MUC5B: variants seen among roughly 807,000 people sequenced by gnomAD.
MUC5B encodes the protein mucin 5B, oligomeric mucus/gel-forming.
In MUC5B, 116 loss-of-function variants were observed where a neutral mutation model predicts 376.9. The observed-to-expected ratio is 0.31, with a 90% CI of 0.26 to 0.36. The LOEUF (loss-of-function observed/expected upper bound fraction) is 0.36. Ranked by LOEUF, MUC5B falls within the 10% of genes least tolerant of loss-of-function variation. The pLI is 1.00. For missense variants in MUC5B, 7,165 were observed against 7,769.9 expected (o/e 0.92, Z 2.93); for synonymous variants, 3,517 against 3,390.9 (o/e 1.04, Z -1.29).
In MUC5B at chr11:1,234,415, C is replaced by T. The variant is rs1412707153; in HGVS notation, c.2478+110C>T. 43 of 1,496,350 alleles carry T rather than the reference C, an allele frequency of 2.9e-5. No individual in the cohort carries two copies. Among genetic ancestry groups the T allele is most frequent in the African/African-American group, 8.3e-5 (6 of 72,128 alleles). The allele number at this position is 1,496,350 out of a possible 1,614,324, so 92.7% of individuals were successfully genotyped here. A position where few individuals can be genotyped will look rare whatever the true frequency, so the allele number is the denominator to read the frequency against. On this transcript the variant is annotated intron_variant, in intron 20 of 48. Transcript: ENST00000529681. This position sits in a 1 kb window ranked among gnomAD's most constrained non-coding sequence, Gnocchi z 6.3. ...GAGACACTTACCCACCTGGAAGCTC[C>T]GCCCTGGCCCATGCGTTGCCCTGGG...
Position 1,229,762 on chromosome 11 carries a change from G to A in MUC5B, c.1175G>A (p.Arg392His), listed in dbSNP as rs374678634. Reference protein sequence around the residue: ...LGQCPCTHGGRTYSPGTSFNT... With the variant: ...LGQCPCTHGGHTYSPGTSFNT... ...CAGTGCCCCTGCACCCACGGCGGCC[G>A]CACCTACAGCCCGGGCACCTCCTTC... The change falls in exon 10 of 49, where the codon CGC becomes CAC. Residue 392 changes from arginine (R) to histidine (H), a missense_variant. Coordinates refer to ENST00000529681, the MANE Select transcript of MUC5B (RefSeq NM_002458.3). 136 of 1,601,338 alleles carry A rather than the reference G, an allele frequency of 8.5e-5. No homozygotes were observed. Among genetic ancestry groups the A allele is most frequent in the African/African-American group, 2.4e-4 (18 of 74,756 alleles).
In MUC5B at chr11:1,258,483, C is replaced by T. The variant is rs911614971; in HGVS notation, c.16593+116C>T. 228 of 1,239,244 alleles carry T rather than the reference C, an allele frequency of 1.8e-4. No individual in the cohort carries two copies. The highest frequency in any genetic ancestry group is 1.9e-4 in the South Asian group (13 of 69,148). 76.8% of individuals were successfully genotyped at this position (1,239,244 alleles called of 1,614,324 possible). On this transcript the variant is annotated intron_variant, in intron 43 of 48. Coordinates refer to ENST00000529681, the MANE Select transcript of MUC5B (RefSeq NM_002458.3). This position sits in a 1 kb window ranked among gnomAD's most constrained non-coding sequence, Gnocchi z 5.5. ...GACATTCCTGCCCTGAGGGCCGATC[C>T]GCACAGGGGCCCTGGACACGTCAGA...
Position 1,234,154 on chromosome 11 carries a change from G to T in MUC5B, c.2378-51G>T. 6.9e-7 allele frequency: 1 copy of T among 1,450,732 alleles called. No individual in the cohort carries two copies. Among genetic ancestry groups the T allele is most frequent in the Non-Finnish European group, 9.5e-7 (1 of 1,055,476 alleles). 89.9% of individuals were successfully genotyped at this position (1,450,732 alleles called of 1,614,324 possible). On this transcript the variant is annotated intron_variant, in intron 19 of 48. Transcript: ENST00000529681. The surrounding 1 kb of genome is among the most constrained non-coding windows in gnomAD (Gnocchi z 6.3). Reference sequence around the variant, plus strand: ...CTCAGGGCTGCCTGGGGTCAGTTGAGGGCCGTGGCTGCCCTTCCCCAGGAC... The same window carrying T: ...CTCAGGGCTGCCTGGGGTCAGTTGATGGCCGTGGCTGCCCTTCCCCAGGAC...
At chr11:1,223,239 G>A (rs963731021) in intron 1 of MUC5B, 46 bp downstream of exon 1, 13 of 704,688 alleles carry the variant, frequency 1.8e-5, no homozygotes, top group Middle Eastern at 2.3e-4. Context: ...TCTTCACGGC[G>A]GGGGTCTCTG....
At chr11:1,224,192 C>G (rs1861826718) in intron 1 of MUC5B, among the ~76,000 whole-genome samples, 1 of 152,234 alleles carries the variant, frequency 6.6e-6, no homozygotes, top group Admixed American at 6.5e-5. Flanking sequence ...ACTCTCAGCC[C>G]ACCCGTCCTC....
At chr11:1,226,449 AG>A in intron 3 of MUC5B, 165 bp from the exon 4 acceptor site, 1 of 1,263,618 alleles carries the variant, frequency 7.9e-7, no homozygotes, top group Non-Finnish European at 1.1e-6. Context: ...GGGACGGGTC[AG>A]GGGTCTTGGA....
At position 1,255,135 on chromosome 11, in the gene MUC5B, C is replaced by T. The variant is rs765772153; in HGVS notation, c.15759C>T (p.Pro5253=). The change falls in exon 36 of 49, where the codon CCC becomes CCT. Residue 5253 remains proline, a synonymous_variant. Transcript: ENST00000529681. ...ACATGGCCAAGACGTGGCTGGTCCC[C>T]GACAGCAGAAAGGATGGCTGCTGGG... is the stretch of plus-strand genomic sequence containing the variant. ...CKDMAKTWLV[P]DSRKDGCWAP... is the part of the protein sequence containing the mutation. 23 of 1,576,460 alleles carry T rather than the reference C, an allele frequency of 1.5e-5. No individual in the cohort carries two copies. In the East Asian group the frequency reaches 2.6e-4, roughly 18 times the overall value.
chr11:1,241,447 C>G lies in MUC5B; in HGVS notation c.4567C>G (p.Leu1523Val). The G allele has an allele frequency of 1.2e-6, 2 of 1,613,464 alleles. No homozygotes were observed. Among genetic ancestry groups the G allele is most frequent in the Middle Eastern group, 3.3e-4 (2 of 6,060 alleles). The part of the protein sequence containing the change: ...FDEDYPKSEQ[L>V]GGDVESYDKI... ...TGAGGACTACCCCAAGTCTGAACAA[C>G]TTGGAGGGGACGTTGAGTCCTACGA... The change falls in exon 31 of 49, where the codon CTT becomes GTT. Residue 1523 changes from leucine (L) to valine (V), a missense_variant. Around this residue, in one of 31 missense-constraint regions of MUC5B, gnomAD observed 517 missense variants for 545.3 expected, o/e 0.95. Transcript: ENST00000529681.
At position 1,233,864 on chromosome 11, in the gene MUC5B, G is replaced by C. The variant is rs1590171867; in HGVS notation, c.2377+16G>C. The C allele has an allele frequency of 2.0e-6, 1 of 495,880 alleles. No individual in the cohort carries two copies. The highest frequency in any genetic ancestry group is 2.7e-6 in the Non-Finnish European group (1 of 370,590). 30.7% of individuals were successfully genotyped at this position (495,880 alleles called of 1,614,324 possible). The stretch of plus-strand genomic sequence containing the variant: ...AAAAGCACAGGTAAGTGCCACCCCT[G>C]CCCTGCCCTGCCCTGCCCCGCCCCG... On this transcript the variant is annotated intron_variant, in intron 19 of 48. Coordinates refer to ENST00000529681, the MANE Select transcript of MUC5B (RefSeq NM_002458.3).
In MUC5B at chr11:1,235,235, C is replaced by T; in HGVS notation, c.2769+12C>T. 6.2e-7 allele frequency: 1 copy of T among 1,612,292 alleles called. No individual in the cohort carries two copies. The highest frequency in any genetic ancestry group is 8.5e-7 in the Non-Finnish European group (1 of 1,179,188). Reference sequence around the variant, plus strand: ...ACATCTTGGCCCAGGTACGCCGCCCCCTCGCCCACTCCTGCAGGCCGGGCA... The same window carrying T: ...ACATCTTGGCCCAGGTACGCCGCCCTCTCGCCCACTCCTGCAGGCCGGGCA... On this transcript the variant is annotated intron_variant, in intron 22 of 48. Transcript: ENST00000529681.
At chr11:1,255,629 C>T (rs370589829) in intron 37 of MUC5B, 71 bp downstream of exon 37, 18,333 of 495,652 alleles carry the variant, frequency 0.037, 312 homozygotes, top group African/African-American at 0.11. Context: ...TGAGTGGGGG[C>T]GGCCCCGGGC....
In MUC5B at chr11:1,258,336, A is replaced by G; in HGVS notation, c.16562A>G (p.Gln5521Arg). 1 of 1,612,096 alleles carries G rather than the reference A, an allele frequency of 6.2e-7. No individual in the cohort carries two copies. The highest frequency in any genetic ancestry group is 1.1e-5 in the South Asian group (1 of 90,990). ...DCCPTFRCRP[Q>R]LCSYNGTFYG... is the part of the protein sequence containing the mutation. ...TAGCTCCCTTTCCTTCCAGGACCTC[A>G]GCTGTGTTCGTACAATGGCACCTTC... The change falls in exon 43 of 49, where the codon CAG (glutamine) becomes CGG (arginine). Residue 5521 changes from glutamine (Q) to arginine (R), a missense_variant. By Grantham distance (43) the Gln-to-Arg change is conservative. Transcript: ENST00000529681. The surrounding 1 kb of genome is among the most constrained non-coding windows in gnomAD (Gnocchi z 5.5).
intron 37 of MUC5B, 33 bp downstream of exon 37, chr11:1,255,591 C>T (rs1216646662): frequency 3.0e-6 from 4 of 1,327,448 alleles, no homozygotes; most frequent in Non-Finnish European, 4.1e-6. Flanking sequence ...CCCCCAGACC[C>T]CTCGGCCTCT....
In MUC5B at chr11:1,246,429, C is replaced by A. The variant is rs1234584165; in HGVS notation, c.9549C>A (p.Ala3183=). ...TGCCCACCGGATCCACGGCCACCGC[C>A]TCCTCCACCCGGGCAACTGCTGGCA... ...VTVPTGSTAT[A]SSTRATAGTL... Residue 3183 remains alanine (A), a synonymous_variant, in exon 31 of 49, where the codon GCC becomes GCA. Transcript: ENST00000529681. 1.2e-6 allele frequency: 2 copies of A among 1,613,466 alleles called. No individual in the cohort carries two copies. Among genetic ancestry groups the A allele is most frequent in the Admixed American group, 3.3e-5 (2 of 59,998 alleles).
intron 38 of MUC5B, 166 bp from the exon 39 acceptor site, chr11:1,256,504 AC>A (rs1237836351): frequency 3.7e-5 from 1 of 27,006 alleles, no homozygotes; most frequent in African/African-American, 4.1e-4. Flanking sequence ...GCCCACCCCC[AC>A]CCCAGCCCCA....
intron 44 of MUC5B, 94 bp from the exon 45 acceptor site, chr11:1,259,662 C>T (rs1304305323): frequency 7.5e-7 from 1 of 1,331,244 alleles, no homozygotes; most frequent in East Asian, 2.3e-5. Flanking sequence ...GCTAAGGGGT[C>T]CTGGACCACT....
In MUC5B at chr11:1,251,261, C is replaced by A. The variant is rs371253557; in HGVS notation, c.14381C>A (p.Thr4794Asn). ...ACCACCCACACCTCCACAGTGCTGA[C>A]CACCACAGCCACCATGACAAGGGCC... is the stretch of plus-strand genomic sequence containing the variant. The part of the protein sequence containing the change: ...PETTHTSTVL[T>N]TTATMTRATN... Residue 4794 changes from threonine (T) to asparagine (N), a missense_variant, in exon 31 of 49, where the codon ACC becomes AAC. This residue lies in a region of MUC5B where 730 missense variants were observed against 592.7 expected (regional missense o/e 1.23). Coordinates refer to ENST00000529681, the MANE Select transcript of MUC5B (RefSeq NM_002458.3). 2.5e-6 allele frequency: 4 copies of A among 1,611,432 alleles called. No individual in the cohort carries two copies. In the African/African-American group the frequency reaches 5.3e-5, roughly 22 times the overall value.
rs2943508 is a variant in MUC5B at position 1,242,824 on chromosome 11, C to T, written c.5944C>T (p.Pro1982Ser). 13 of 1,583,016 alleles carry T rather than the reference C, an allele frequency of 8.2e-6. No homozygotes were observed. The South Asian group carries it at 1.2e-4, about 15-fold the overall frequency. The change falls in exon 31 of 49, where the codon CCC becomes TCC. Residue 1982 changes from proline (P) to serine (S), a missense_variant. By Grantham distance (74) the Pro-to-Ser change is moderately conservative (BLOSUM62 -1). This residue lies in a region of MUC5B where 897 missense variants were observed against 779.6 expected (regional missense o/e 1.15). Coordinates refer to ENST00000529681, the MANE Select transcript of MUC5B (RefSeq NM_002458.3). The stretch of plus-strand genomic sequence containing the variant: ...CACACCCACAGCTACCAGCGTTACA[C>T]CCATCCCCTCTTCCTCCCTGGGCAC... ...ATTPTATSVTPIPSSSLGTTW... is the reference protein window; with the variant it reads ...ATTPTATSVTSIPSSSLGTTW...
rs768577944 is a variant in MUC5B at position 1,246,044 on chromosome 11, C to T, written c.9164C>T (p.Thr3055Ile). The change falls in exon 31 of 49, where the codon ACA (threonine) becomes ATA (isoleucine). Residue 3055 changes from threonine (T) to isoleucine (I), a missense_variant. Thr to Ile is a moderately conservative substitution (Grantham distance 89). Transcript: ENST00000529681. ...PRTATTLPVLTSTATKSTATS... is the reference protein window; with the variant it reads ...PRTATTLPVLISTATKSTATS... Reference sequence around the variant, plus strand: ...ACTGCAACCACCCTTCCAGTGCTGACAAGCACAGCCACCAAATCCACAGCT... The same window carrying T: ...ACTGCAACCACCCTTCCAGTGCTGATAAGCACAGCCACCAAATCCACAGCT... 190 of 1,612,702 alleles carry T rather than the reference C, an allele frequency of 1.2e-4. 1 individual carries two copies. The highest frequency in any genetic ancestry group is 1.5e-4 in the Non-Finnish European group (181 of 1,179,476).
Sources: allele counts gnomAD v4.1 joint callset (sites outside exome capture counted in the v4.1 genomes callset), GRCh38; gene constraint gnomAD v4.1.1; regional missense constraint gnomAD v4.1.1; non-coding constraint Gnocchi (gnomAD v3.1); transcripts MANE v1.5; gene names NCBI Gene and HGNC (gene_info 2026-07-23, HGNC 2026-07-21).